Variants in SLC39A11 observed in about 807,000 individuals in gnomAD.
SLC39A11 encodes solute carrier family 39 member 11, also known as zinc transporter ZIP11.
In SLC39A11, 33 loss-of-function variants were observed where a neutral mutation model predicts 36.1. The ratio of observed to expected loss-of-function variants is 0.91; its 90% CI spans 0.69 to 1.22. The LOEUF is 1.22. Ranked by LOEUF, SLC39A11 falls within the 50% of genes most tolerant of loss-of-function variation. The probability of loss-of-function intolerance (pLI) is 0.00; values close to 1 mark genes in which losing one functional copy is unlikely to be tolerated. For synonymous variants in SLC39A11, 166 were observed against 170.3 expected, an observed-to-expected ratio of 0.97 and a Z score of 0.20; for missense variants, 432 against 430.3, an observed-to-expected ratio of 1.00 and a Z score of -0.03.
intron 5 of SLC39A11, among the ~76,000 whole-genome samples, chr17:72,862,500 TC>T (rs1421341386): frequency 6.6e-6 from 1 of 152,090 alleles, no homozygotes; most frequent in Admixed American, 6.6e-5. Flanking sequence ...GCTGGGAGCA[TC>T]CTTTCCCATC....
intron 3 of SLC39A11, among the ~76,000 whole-genome samples, chr17:73,066,557 A>G (rs2060001651): frequency 6.6e-6 from 1 of 152,112 alleles, no homozygotes; most frequent in Admixed American, 6.5e-5. Context: ...ATTTACTCTA[A>G]TGGTGGGAGG....
chr17:72,849,855 A>G, intron 5 of SLC39A11, 51 bp from the exon 6 acceptor site: 1 of 1,462,898 alleles, frequency 6.8e-7, no homozygotes, highest in South Asian at 1.4e-5. Flanking sequence ...CGCTTTGAAC[A>G]TGTGCACGTT....
At chr17:72,773,430 G>A (rs2076017509) in intron 6 of SLC39A11, among the ~76,000 whole-genome samples, 1 of 152,104 alleles carries the variant, frequency 6.6e-6, no homozygotes, top group Admixed American at 6.5e-5. Context: ...AGAGCTGATG[G>A]TTTTATAAGG....
intron 8 of SLC39A11, 73 bp from the exon 9 acceptor site, chr17:72,649,034 C>G (rs1051554767): frequency 1.3e-6 from 2 of 1,567,378 alleles, no homozygotes; most frequent in Non-Finnish European, 8.7e-7. Flanking sequence ...AGACTGTTGG[C>G]TCAACCCTAG....
At chr17:72,740,392 A>G (rs8066681) in intron 6 of SLC39A11, among the ~76,000 whole-genome samples, 1 of 152,066 alleles carries the variant, frequency 6.6e-6, no homozygotes. Context: ...AGAAAATCAT[A>G]AGGAAGAGAA....
At chr17:72,915,203 A>G (rs1482590012) in intron 5 of SLC39A11, among the ~76,000 whole-genome samples, 4 of 151,986 alleles carry the variant, frequency 2.6e-5, no homozygotes, top group African/African-American at 9.7e-5. Context: ...GCTTATTCTG[A>G]AGATGCCTCT....
intron 6 of SLC39A11, chr17:72,837,656 T>A (rs1233490888): frequency 6.1e-6 from 1 of 163,926 alleles, no homozygotes; most frequent in Non-Finnish European, 1.3e-5. Flanking sequence ...CATCAAGTGA[T>A]GAAACAGTAA....
chr17:72,754,030 A>ATG (rs1344111235), intron 6 of SLC39A11, among the ~76,000 whole-genome samples: 1 of 114,848 alleles, frequency 8.7e-6, no homozygotes. Context: ...GTATATATAT[A>ATG]TATATATATA....
intron 4 of SLC39A11, among the ~76,000 whole-genome samples, chr17:73,003,685 C>A (rs910254317): frequency 6.6e-6 from 1 of 152,122 alleles, no homozygotes; most frequent in Admixed American, 6.5e-5. Context: ...GGTGAGGTGG[C>A]CACAGAGGGC....
intron 6 of SLC39A11, among the ~76,000 whole-genome samples, chr17:72,832,418 T>C (rs542403353): frequency 6.6e-6 from 1 of 152,354 alleles, no homozygotes; most frequent in South Asian, 2.1e-4. Context: ...CAAACCGCCA[T>C]GCTGAGCTCA....
chr17:73,087,274 C>T (rs1568254147), intron 2 of SLC39A11, among the ~76,000 whole-genome samples: 1 of 152,046 alleles, frequency 6.6e-6, no homozygotes, highest in African/African-American at 2.4e-5. Context: ...CATCAGCTCC[C>T]GGGGGCAGTG....
intron 3 of SLC39A11, among the ~76,000 whole-genome samples, chr17:73,078,624 T>C (rs1424768916): frequency 6.6e-6 from 1 of 151,988 alleles, no homozygotes; most frequent in African/African-American, 2.4e-5. Context: ...GTAGCTAGGA[T>C]TACAGGTGCC....
intron 4 of SLC39A11, among the ~76,000 whole-genome samples, chr17:73,004,140 G>GAAAGAAAGA (rs2089992718): frequency 1.9e-5 from 2 of 105,280 alleles, no homozygotes; most frequent in African/African-American, 4.1e-5. Flanking sequence ...GGAAAGAAAG[G>GAAAGAAAGA]AAGAAAGAAA....
intron 1 of SLC39A11, 113 bp from the exon 2 acceptor site, chr17:73,088,888 G>A (rs142597231): frequency 6.2e-5 from 45 of 725,850 alleles, no homozygotes; most frequent in South Asian, 2.7e-4. Context: ...CAGGTTGACC[G>A]TATGCACCCT....
At chr17:73,018,670 A>T (rs2058247654) in intron 4 of SLC39A11, among the ~76,000 whole-genome samples, 1 of 152,172 alleles carries the variant, frequency 6.6e-6, no homozygotes. Flanking sequence ...CAAAGCCTAA[A>T]ACCAAGACTT....
intron 5 of SLC39A11, among the ~76,000 whole-genome samples, chr17:72,940,336 C>T (rs371077929): frequency 1.6e-4 from 24 of 149,204 alleles, no homozygotes; most frequent in African/African-American, 5.4e-4. Flanking sequence ...AGTGCAATGG[C>T]GTGGTCTCAG....
At chr17:72,655,438 C>G (rs996493087) in intron 7 of SLC39A11, among the ~76,000 whole-genome samples, 2 of 152,222 alleles carry the variant, frequency 1.3e-5, no homozygotes, top group African/African-American at 4.8e-5. Flanking sequence ...CGGCAAATGC[C>G]GATGCCTCGG....
At chr17:72,723,321 A>AGTGTGTGTGTGTGTGTGTGTGTGTGT (rs10570164) in intron 7 of SLC39A11, among the ~76,000 whole-genome samples, 61 of 148,548 alleles carry the variant, frequency 4.1e-4, no homozygotes, top group East Asian at 2.8e-3. Context: ...GGAGTGTAAG[A>AGTGTGTGTGTGTGTGTGTGTGTGTGT]GTGTGTGTGT....
intron 4 of SLC39A11, among the ~76,000 whole-genome samples, chr17:73,007,322 G>A (rs1009343895): frequency 1.3e-5 from 2 of 152,212 alleles, no homozygotes; most frequent in Admixed American, 1.3e-4. Context: ...TCAGGAGGCT[G>A]AGGAGGGAGA....
Sources: allele counts gnomAD v4.1 joint callset (sites outside exome capture counted in the v4.1 genomes callset), GRCh38; gene constraint gnomAD v4.1.1; transcripts MANE v1.5; gene names NCBI Gene and HGNC (gene_info 2026-07-23, HGNC 2026-07-21).